PLCH1: variants seen among roughly 807,000 people sequenced by gnomAD.
The protein encoded by PLCH1 is 1-phosphatidylinositol 4,5-bisphosphate phosphodiesterase eta-1.
Under a neutral mutation model 126.7 loss-of-function variants are expected in PLCH1, and 60 were observed. That is an observed-to-expected ratio of 0.47 (90% CI 0.38 to 0.59). The LOEUF (loss-of-function observed/expected upper bound fraction) is 0.59, where lower values mean the gene tolerates loss of function less well. Among genes scored for constraint, PLCH1 ranks in the 20% least tolerant of loss-of-function variants. PLCH1 has a pLI of 0.00. For synonymous variants in PLCH1, 719 were observed against 734.9 expected, an observed-to-expected ratio of 0.98 and a Z score of 0.35; for missense variants, 1,723 against 2,040.0, an observed-to-expected ratio of 0.84 and a Z score of 2.99.
At chr3:155,517,512 T>A (rs773325411) in intron 11 of PLCH1, among the ~76,000 whole-genome samples, 3 of 152,144 alleles carry the variant, frequency 2.0e-5, no homozygotes, top group Non-Finnish European at 4.4e-5. Context: ...GGTGGCCCTA[T>A]GTATTCCTTG....
chr3:155,696,374 C>G (rs1745802355), intron 2 of PLCH1, among the ~76,000 whole-genome samples: 1 of 152,078 alleles, frequency 6.6e-6, no homozygotes, highest in African/African-American at 2.4e-5. Flanking sequence ...CAAACACAAT[C>G]ACTAATTATT....
At chr3:155,465,984 T>C (rs1712914682) in intron 21 of PLCH1, among the ~76,000 whole-genome samples, 1 of 152,150 alleles carries the variant, frequency 6.6e-6, no homozygotes, top group South Asian at 2.1e-4. Context: ...GAACACCGGA[T>C]AGATTTCTGA....
chr3:155,535,646 G>C (rs571652277), intron 10 of PLCH1, among the ~76,000 whole-genome samples: 2 of 152,306 alleles, frequency 1.3e-5, no homozygotes, highest in South Asian at 4.1e-4. Context: ...AGAAGAGTCT[G>C]AGCTTAGACA....
chr3:155,464,558 C>G (rs1712859092), intron 21 of PLCH1, among the ~76,000 whole-genome samples: 1 of 152,058 alleles, frequency 6.6e-6, no homozygotes, highest in African/African-American at 2.4e-5. Flanking sequence ...CTAGGTACTT[C>G]CTGGATTCTG....
At chr3:155,614,884 C>T (rs1735591235) in intron 2 of PLCH1, among the ~76,000 whole-genome samples, 1 of 152,090 alleles carries the variant, frequency 6.6e-6, no homozygotes, top group African/African-American at 2.4e-5. Context: ...GCAAAGACTT[C>T]ATGACCAGGA....
chr3:155,542,761 G>A (rs536438356), intron 10 of PLCH1, among the ~76,000 whole-genome samples: 32 of 152,318 alleles, frequency 2.1e-4, no homozygotes, highest in African/African-American at 5.8e-4. Flanking sequence ...CACTGCTGCT[G>A]GTACCCAGGC....
intron 21 of PLCH1, among the ~76,000 whole-genome samples, chr3:155,470,683 C>G (rs540643240): frequency 5.3e-5 from 8 of 152,048 alleles, no homozygotes; most frequent in African/African-American, 1.9e-4. Context: ...AGAGAAAGGT[C>G]GGGTTACCCT....
At chr3:155,652,603 T>C (rs1260556383) in intron 2 of PLCH1, among the ~76,000 whole-genome samples, 2 of 152,196 alleles carry the variant, frequency 1.3e-5, no homozygotes, top group African/African-American at 2.4e-5. Context: ...TCATCTACCA[T>C]TTATAGAATG....
chr3:155,500,306 T>G (rs1446597997), intron 14 of PLCH1, among the ~76,000 whole-genome samples: 1 of 152,218 alleles, frequency 6.6e-6, no homozygotes, highest in African/African-American at 2.4e-5. Context: ...GAGCCAAACT[T>G]GTCGCATGTT....
intron 2 of PLCH1, among the ~76,000 whole-genome samples, chr3:155,622,308 T>C (rs1736620751): frequency 6.6e-6 from 1 of 152,152 alleles, no homozygotes; most frequent in African/African-American, 2.4e-5. Context: ...TGCAAAAACA[T>C]ACCACATGGT....
chr3:155,551,605 C>G (rs1197154225), intron 9 of PLCH1, among the ~76,000 whole-genome samples: 4 of 145,832 alleles, frequency 2.7e-5, no homozygotes, highest in Admixed American at 2.1e-4. Flanking sequence ...GGTCACACTT[C>G]AGGGGTGCTA....
chr3:155,574,847 T>G (rs936140907), intron 6 of PLCH1, among the ~76,000 whole-genome samples: 1 of 151,956 alleles, frequency 6.6e-6, no homozygotes, highest in Non-Finnish European at 1.5e-5. Context: ...TTAAGAAAAA[T>G]CAGCCAGGCA....
intron 1 of PLCH1, among the ~76,000 whole-genome samples, chr3:155,735,385 A>G (rs1327423048): frequency 2.0e-5 from 3 of 148,186 alleles, no homozygotes; most frequent in South Asian, 4.4e-4. Flanking sequence ...TGTAATCCCA[A>G]CACTTTGGGA....
intron 2 of PLCH1, among the ~76,000 whole-genome samples, chr3:155,628,831 C>A (rs1737679777): frequency 1.3e-5 from 2 of 152,114 alleles, no homozygotes; most frequent in African/African-American, 4.8e-5. Context: ...GTTTTCTTGT[C>A]TTTGCCATGA....
intron 2 of PLCH1, among the ~76,000 whole-genome samples, chr3:155,601,139 C>T (rs989879342): frequency 5.9e-5 from 9 of 152,012 alleles, no homozygotes; most frequent in African/African-American, 9.7e-5. Flanking sequence ...CACGCCCGGC[C>T]AATTTTTTTT....
At chr3:155,576,360 A>G (rs1729952065) in intron 6 of PLCH1, among the ~76,000 whole-genome samples, 1 of 152,244 alleles carries the variant, frequency 6.6e-6, no homozygotes, top group Non-Finnish European at 1.5e-5. Flanking sequence ...GAGAAATCTC[A>G]GCCAGGTAAT....
At chr3:155,577,470 C>T (rs1730133360) in intron 6 of PLCH1, among the ~76,000 whole-genome samples, 1 of 151,888 alleles carries the variant, frequency 6.6e-6, no homozygotes. Context: ...AAATATTTTC[C>T]TACTCTGCCC....
chr3:155,467,297 G>T (rs1285601468), intron 21 of PLCH1, among the ~76,000 whole-genome samples: 1 of 152,110 alleles, frequency 6.6e-6, no homozygotes, highest in Non-Finnish European at 1.5e-5. Context: ...TCCTAGACCA[G>T]GTGCGGTGGC....
intron 18 of PLCH1, among the ~76,000 whole-genome samples, chr3:155,491,395 C>T (rs1236428782): frequency 6.6e-6 from 1 of 152,088 alleles, no homozygotes; most frequent in Non-Finnish European, 1.5e-5. Context: ...TCCCGAGTAG[C>T]TGGGACTATA....
Sources: allele counts gnomAD v4.1 joint callset (sites outside exome capture counted in the v4.1 genomes callset), GRCh38; gene constraint gnomAD v4.1.1; transcripts MANE v1.5; gene names NCBI Gene and HGNC (gene_info 2026-07-23, HGNC 2026-07-21).